The following CACNA1E variants were observed in gnomAD, a reference collection of about 807,000 sequenced individuals.
CACNA1E encodes voltage-dependent R-type calcium channel subunit alpha-1E.
Under a neutral mutation model 259.2 loss-of-function variants are expected in CACNA1E, and 40 were observed. The observed-to-expected ratio is 0.15, with a 90% CI of 0.12 to 0.20. The LOEUF is 0.20. Among genes scored for constraint, CACNA1E ranks in the 10% least tolerant of loss-of-function variants. The pLI is 1.00. For missense variants in CACNA1E, 1,874 were observed against 3,040.1 expected (o/e 0.62, Z 9.02); for synonymous variants, 1,104 against 1,138.5 (o/e 0.97, Z 0.61).
At chr1:181,756,633 G>T (rs1244885581) in intron 29 of CACNA1E, among the ~76,000 whole-genome samples, 1 of 152,170 alleles carries the variant, frequency 6.6e-6, no homozygotes, top group East Asian at 1.9e-4. Context: ...CTACTTGGCA[G>T]CAAAATGTTA....
chr1:181,506,710 G>A (rs1665738735), intron 1 of CACNA1E, among the ~76,000 whole-genome samples: 1 of 152,212 alleles, frequency 6.6e-6, no homozygotes, highest in Admixed American at 6.5e-5. Flanking sequence ...GAGAAGAAAC[G>A]CCATTGCATG....
At chr1:181,390,370 G>GAGAACCTGTAAA (rs557941907) in intron 1 of CACNA1E, among the ~76,000 whole-genome samples, 46 of 152,134 alleles carry the variant, frequency 3.0e-4, no homozygotes, top group African/African-American at 1.1e-3. Context: ...AAGAAGTCGA[G>GAGAACCTGTAAA]AGAACCTGTA....
chr1:181,642,494 C>T (rs1657881451), intron 6 of CACNA1E, among the ~76,000 whole-genome samples: 1 of 152,188 alleles, frequency 6.6e-6, no homozygotes, highest in Admixed American at 6.5e-5. Context: ...CTGCACAAAA[C>T]GTTCACAATA....
At chr1:181,796,158 C>T (rs1313878032) in intron 46 of CACNA1E, among the ~76,000 whole-genome samples, 1 of 152,164 alleles carries the variant, frequency 6.6e-6, no homozygotes, top group African/African-American at 2.4e-5. Flanking sequence ...TACCTGCTTA[C>T]AAAATAGGTA....
intron 1 of CACNA1E, among the ~76,000 whole-genome samples, chr1:181,364,738 A>G (rs1166706469): frequency 6.6e-6 from 1 of 152,172 alleles, no homozygotes; most frequent in Non-Finnish European, 1.5e-5. Context: ...GATATACAAT[A>G]CAGTGTGGTT....
chr1:181,525,392 C>G (rs594731), intron 3 of CACNA1E, among the ~76,000 whole-genome samples: 22,856 of 152,258 alleles, frequency 0.15, 1,915 homozygotes, highest in African/African-American at 0.21. Flanking sequence ...GTTGCCACCT[C>G]TCTTGATCAA....
At chr1:181,603,950 A>G (rs1226216896) in intron 6 of CACNA1E, among the ~76,000 whole-genome samples, 1 of 152,174 alleles carries the variant, frequency 6.6e-6, no homozygotes, top group East Asian at 1.9e-4. Flanking sequence ...TGTGCCACTA[A>G]GTGAAAATGA....
At position 181,721,891 on chromosome 1, in the gene CACNA1E, T is replaced by C; in HGVS notation, c.2074+16T>C. On this transcript the variant is annotated intron_variant, in intron 16 of 47. Coordinates refer to ENST00000367573, the MANE Select transcript of CACNA1E (RefSeq NM_001205293.3). ...TTTGGCAACTGTATCCTTTTTAAGA[T>C]GCACCTCCTCAAGCTGCCTGCCTTC... The C allele has an allele frequency of 6.7e-7, 1 of 1,483,784 alleles. No homozygotes were observed. Among genetic ancestry groups the C allele is most frequent in the Non-Finnish European group, 9.4e-7 (1 of 1,060,936 alleles). 91.9% of individuals were successfully genotyped at this position (1,483,784 alleles called of 1,614,324 possible). A position where few individuals can be genotyped will look rare whatever the true frequency, so the allele number is the denominator to read the frequency against.
intron 1 of CACNA1E, among the ~76,000 whole-genome samples, chr1:181,387,104 G>A (rs1471217064): frequency 6.6e-6 from 1 of 152,150 alleles, no homozygotes; most frequent in African/African-American, 2.4e-5. Context: ...GTACACAGGG[G>A]ATGTCTGTCC....
At chr1:181,729,976 G>T (rs1655312487) in intron 18 of CACNA1E, among the ~76,000 whole-genome samples, 1 of 152,130 alleles carries the variant, frequency 6.6e-6, no homozygotes, top group African/African-American at 2.4e-5. Flanking sequence ...GCAGGTCACT[G>T]ATGCTGAGGG....
chr1:181,732,670 G>T lies in CACNA1E; in HGVS notation c.2584G>T (p.Asp862Tyr). The T allele has an allele frequency of 6.6e-7, 1 of 1,522,970 alleles. No individual in the cohort carries two copies. The highest frequency in any genetic ancestry group is 8.8e-7 in the Non-Finnish European group (1 of 1,137,538). The allele number at this position is 1,522,970 out of a possible 1,614,324, so 94.3% of individuals were successfully genotyped here. A position where few individuals can be genotyped will look rare whatever the true frequency, so the allele number is the denominator to read the frequency against. The change falls in exon 20 of 48, where the codon GAC becomes TAC. Residue 862 changes from aspartate to tyrosine, a missense_variant. Transcript: ENST00000367573. The surrounding 1 kb of genome is among the most constrained non-coding windows in gnomAD (Gnocchi z 5.5). ...RGGSLKGDGG[D>Y]RSSALDNQRT... ...GGGGTCCCTCAAGGGGGATGGAGGG[G>T]ACCGATCCAGTGCCCTGGACAACCA...
At chr1:181,501,112 T>C (rs1665210931) in intron 1 of CACNA1E, among the ~76,000 whole-genome samples, 1 of 152,240 alleles carries the variant, frequency 6.6e-6, no homozygotes, top group Non-Finnish European at 1.5e-5. Flanking sequence ...AATGCTCCCC[T>C]TTTCTTTTTT....
At chr1:181,791,877 G>A (rs559073601) in intron 44 of CACNA1E, among the ~76,000 whole-genome samples, 1 of 152,278 alleles carries the variant, frequency 6.6e-6, no homozygotes, top group East Asian at 1.9e-4. Context: ...GATGGAATGG[G>A]CACCCCCACA....
At chr1:181,468,099 T>C (rs575275075) in intron 2 of CACNA1E, among the ~76,000 whole-genome samples, 17 of 152,312 alleles carry the variant, frequency 1.1e-4, no homozygotes, top group African/African-American at 3.8e-4. Flanking sequence ...CTAGATTAGG[T>C]TATTACCCAT....
intron 38 of CACNA1E, among the ~76,000 whole-genome samples, chr1:181,780,675 G>A (rs1205652463): frequency 6.6e-6 from 1 of 152,176 alleles, no homozygotes; most frequent in Non-Finnish European, 1.5e-5. Context: ...GGGTAGCATG[G>A]CATGCAAGAT....
intron 7 of CACNA1E, among the ~76,000 whole-genome samples, chr1:181,696,650 T>C (rs1177003883): frequency 6.6e-6 from 1 of 152,174 alleles, no homozygotes; most frequent in Non-Finnish European, 1.5e-5. Context: ...ACCAGGTGTA[T>C]GTATGCACAT....
At chr1:181,766,521 C>T (rs367889138) in intron 34 of CACNA1E, 25 bp from the exon 35 acceptor site, 91 of 1,579,290 alleles carry the variant, frequency 5.8e-5, no homozygotes, top group East Asian at 2.7e-4. Context: ...CTTTGATTAA[C>T]GTCTTATCTC....
intron 6 of CACNA1E, among the ~76,000 whole-genome samples, chr1:181,623,251 T>A (rs1481200695): frequency 6.6e-6 from 1 of 152,224 alleles, no homozygotes; most frequent in Non-Finnish European, 1.5e-5. Flanking sequence ...GACATCTGTA[T>A]TACTTATTTG....
At chr1:181,493,017 T>G (rs1353772582) in intron 1 of CACNA1E, among the ~76,000 whole-genome samples, 1 of 152,180 alleles carries the variant, frequency 6.6e-6, no homozygotes, top group Admixed American at 6.5e-5. Flanking sequence ...TGACTCTTTT[T>G]GGAGTGTTGG....
Sources: gnomAD v4.1 joint callset for allele counts (sites outside exome capture counted in the v4.1 genomes callset) on GRCh38, gnomAD v4.1.1 for gene constraint, Gnocchi (gnomAD v3.1) non-coding constraint, MANE v1.5 for transcripts, NCBI Gene and HGNC (gene_info 2026-07-23, HGNC 2026-07-21) for gene names.